Variants in CHMP3 observed in about 807,000 individuals in gnomAD.
The protein encoded by CHMP3 is 25.1 protein.
A neutral mutation model predicts 27.4 loss-of-function variants in CHMP3; 8 were observed. The observed-to-expected ratio is 0.29, with a 90% confidence interval of 0.17 to 0.53. CHMP3 has a LOEUF of 0.53. Among genes scored for constraint, CHMP3 ranks in the 20% least tolerant of loss-of-function variants. The probability of loss-of-function intolerance (pLI) is 0.96; values close to 1 mark genes in which losing one functional copy is unlikely to be tolerated. For synonymous variants in CHMP3, 86 were observed against 85.5 expected, an observed-to-expected ratio of 1.01 and a Z score of -0.03; for missense variants, 208 against 271.5, an observed-to-expected ratio of 0.77 and a Z score of 1.64.
intron 4 of CHMP3, among the ~76,000 whole-genome samples, chr2:86,509,159 A>C (rs924640036): frequency 6.6e-6 from 1 of 152,196 alleles, no homozygotes; most frequent in African/African-American, 2.4e-5. Context: ...CAGTATTCAG[A>C]AACCATTATG....
At chr2:86,557,869 T>C (rs1440033112) in intron 1 of CHMP3, among the ~76,000 whole-genome samples, 1 of 152,186 alleles carries the variant, frequency 6.6e-6, no homozygotes, top group African/African-American at 2.4e-5. Context: ...TACATGTCAG[T>C]CTCCTCCAGT....
At position 86,529,924 on chromosome 2, in the gene CHMP3, T is replaced by C. The variant is rs115251435; in HGVS notation, c.107-527A>G. Among the ~76,000 whole-genome samples the C allele has an allele frequency of 1.2e-3, 181 of 152,360 alleles. 1 individual carries two copies. Among genetic ancestry groups the C allele is most frequent in the African/African-American group, 3.9e-3 (164 of 41,596 alleles). ...ATAACATCTTAACCATTTTTAAGTA[T>C]ACAATCAGTGGAATAAAGTAACATT... On this transcript the variant is annotated intron_variant, in intron 2 of 5. Coordinates refer to ENST00000263856, the MANE Select transcript of CHMP3 (RefSeq NM_016079.4).
At chr2:86,510,652 T>C (rs1209797421) in intron 3 of CHMP3, 173 bp from the exon 4 acceptor site, 2 of 889,376 alleles carry the variant, frequency 2.2e-6, no homozygotes, top group Non-Finnish European at 3.3e-6. Context: ...CTTTCCTAAA[T>C]TGTATGCTAT....
chr2:86,521,693 T>C (rs1156357308), intron 3 of CHMP3, among the ~76,000 whole-genome samples: 2 of 152,230 alleles, frequency 1.3e-5, no homozygotes, highest in South Asian at 2.1e-4. Context: ...TCATCCTTTT[T>C]TGAGGTGCTC....
At chr2:86,550,411 A>G (rs887905585) in intron 1 of CHMP3, among the ~76,000 whole-genome samples, 4 of 136,132 alleles carry the variant, frequency 2.9e-5, no homozygotes, top group Non-Finnish European at 6.0e-5. Context: ...GGGGAGAGGG[A>G]GAAAGGGAGA....
intron 2 of CHMP3, among the ~76,000 whole-genome samples, chr2:86,532,961 T>A (rs192372919): frequency 6.6e-6 from 1 of 152,362 alleles, no homozygotes; most frequent in African/African-American, 2.4e-5. Context: ...AAGGAAGTGT[T>A]TTCTTCTCTT....
chr2:86,541,885 CAAAAAA>C (rs886497985), intron 2 of CHMP3, among the ~76,000 whole-genome samples: 1 of 151,682 alleles, frequency 6.6e-6, no homozygotes, highest in Admixed American at 6.6e-5. Flanking sequence ...TGGTACTAAA[CAAAAAA>C]AATCAACTTT....
chr2:86,546,525 C>T (rs1222430764), intron 1 of CHMP3, among the ~76,000 whole-genome samples: 1 of 151,854 alleles, frequency 6.6e-6, no homozygotes, highest in Admixed American at 6.6e-5. Flanking sequence ...GCAACCTCCA[C>T]CTCCAGCGTT....
At chr2:86,554,348 A>G (rs1677031062) in intron 1 of CHMP3, among the ~76,000 whole-genome samples, 1 of 152,354 alleles carries the variant, frequency 6.6e-6, no homozygotes, top group Admixed American at 6.5e-5. Context: ...TTTAAAATAA[A>G]GTAGTTGGCA....
At chr2:86,551,552 C>T (rs564041248) in intron 1 of CHMP3, among the ~76,000 whole-genome samples, 23 of 152,220 alleles carry the variant, frequency 1.5e-4, no homozygotes, top group Admixed American at 9.8e-4. Context: ...CCACCATGCC[C>T]GGCCATGAAC....
chr2:86,534,437 C>A (rs1029446711), intron 2 of CHMP3, among the ~76,000 whole-genome samples: 5 of 152,036 alleles, frequency 3.3e-5, no homozygotes, highest in African/African-American at 1.2e-4. Flanking sequence ...ATCAGGTGAT[C>A]CAACTGCCTC....
chr2:86,531,667 T>C (rs1274948454), intron 2 of CHMP3, among the ~76,000 whole-genome samples: 1 of 152,254 alleles, frequency 6.6e-6, no homozygotes, highest in Non-Finnish European at 1.5e-5. Context: ...AAGGTCCAAC[T>C]GAATTCTTTT....
intron 3 of CHMP3, among the ~76,000 whole-genome samples, chr2:86,518,411 C>T (rs12614447): frequency 0.39 from 59,383 of 151,830 alleles, 13,578 homozygotes; most frequent in East Asian, 0.75. Context: ...AAACCATGTA[C>T]ATTTCAGAAA....
At chr2:86,520,501 T>G (rs1675481468) in intron 3 of CHMP3, among the ~76,000 whole-genome samples, 1 of 151,992 alleles carries the variant, frequency 6.6e-6, no homozygotes, top group South Asian at 2.1e-4. Flanking sequence ...CATGATCCAA[T>G]CACCTCCCAC....
chr2:86,549,792 C>T (rs1164316378), intron 1 of CHMP3, among the ~76,000 whole-genome samples: 2 of 148,446 alleles, frequency 1.3e-5, no homozygotes, highest in Non-Finnish European at 3.0e-5. Context: ...ACGGGGCGGC[C>T]GGGCAGAGGT....
At chr2:86,530,903 T>A (rs1375666812) in intron 2 of CHMP3, among the ~76,000 whole-genome samples, 1 of 152,226 alleles carries the variant, frequency 6.6e-6, no homozygotes, top group Non-Finnish European at 1.5e-5. Context: ...CGTTTTGATT[T>A]GCATTTCCCT....
At chr2:86,545,777 C>T (rs1404872058) in intron 1 of CHMP3, among the ~76,000 whole-genome samples, 5 of 146,694 alleles carry the variant, frequency 3.4e-5, no homozygotes, top group Admixed American at 2.0e-4. Context: ...GATGGGTGGC[C>T]GGGCAGAGGC....
At chr2:86,508,718 C>T (rs1195835668) in intron 4 of CHMP3, among the ~76,000 whole-genome samples, 5 of 152,150 alleles carry the variant, frequency 3.3e-5, no homozygotes, top group Non-Finnish European at 7.4e-5. Flanking sequence ...TTTAAAGCAA[C>T]CCTCTATCCT....
intron 1 of CHMP3, among the ~76,000 whole-genome samples, chr2:86,551,206 G>A (rs749892389): frequency 2.4e-4 from 37 of 151,974 alleles, no homozygotes; most frequent in Non-Finnish European, 4.6e-4. Context: ...CTACTTCCAG[G>A]TCACTATTAT....
Sources: allele counts gnomAD v4.1 joint callset (sites outside exome capture counted in the v4.1 genomes callset), GRCh38; gene constraint gnomAD v4.1.1; transcripts MANE v1.5; gene names NCBI Gene and HGNC (gene_info 2026-07-23, HGNC 2026-07-21).